The following KLF12 variants were observed in gnomAD, a reference collection of about 807,000 sequenced individuals.
KLF12 encodes Krueppel-like factor 12.
In KLF12, 9 loss-of-function variants were observed where a neutral mutation model predicts 37.8. That is an observed-to-expected ratio of 0.24 (90% CI 0.14 to 0.42). KLF12 has a LOEUF of 0.42. Ranked by LOEUF, KLF12 falls within the 10% of genes least tolerant of loss-of-function variation. KLF12 has a pLI of 1.00. For missense variants in KLF12, 411 were observed against 516.0 expected, an observed-to-expected ratio of 0.80 and a Z score of 1.97; for synonymous variants, 208 against 202.1, an observed-to-expected ratio of 1.03 and a Z score of -0.25.
At chr13:73,989,445 A>G (rs1353628425) in intron 2 of KLF12, among the ~76,000 whole-genome samples, 1 of 152,244 alleles carries the variant, frequency 6.6e-6, no homozygotes, top group African/African-American at 2.4e-5. Context: ...GTGTTGTTGA[A>G]AGAACAAACA....
intron 1 of KLF12, among the ~76,000 whole-genome samples, chr13:74,023,993 C>T (rs1167446069): frequency 6.6e-6 from 1 of 152,222 alleles, no homozygotes; most frequent in Non-Finnish European, 1.5e-5. Context: ...CACCAGTGCA[C>T]TGGAGCCCCA....
At chr13:73,706,228 T>C (rs1874938786) in intron 7 of KLF12, among the ~76,000 whole-genome samples, 2 of 152,162 alleles carry the variant, frequency 1.3e-5, no homozygotes, top group Admixed American at 1.3e-4. Flanking sequence ...ATTTATATGC[T>C]AACACAAACA....
chr13:73,775,200 G>A (rs202203669), intron 5 of KLF12, among the ~76,000 whole-genome samples: 14 of 152,176 alleles, frequency 9.2e-5, no homozygotes, highest in East Asian at 3.8e-4. Flanking sequence ...TTACAGGCAT[G>A]AGCCACTGTG....
chr13:73,778,911 T>A (rs1331069895), intron 5 of KLF12, among the ~76,000 whole-genome samples: 1 of 152,122 alleles, frequency 6.6e-6, no homozygotes, highest in Non-Finnish European at 1.5e-5. Context: ...AGACATAAGC[T>A]AGAATGACAG....
intron 1 of KLF12, among the ~76,000 whole-genome samples, chr13:74,125,325 T>C (rs1877883425): frequency 6.6e-6 from 1 of 152,156 alleles, no homozygotes; most frequent in African/African-American, 2.4e-5. Context: ...CCCCAGGTGC[T>C]TTAAACAACT....
intron 3 of KLF12, among the ~76,000 whole-genome samples, chr13:73,915,519 C>CTT (rs889139663): frequency 6.9e-6 from 1 of 144,834 alleles, no homozygotes; most frequent in Admixed American, 6.9e-5. Flanking sequence ...AGTTTTGTTT[C>CTT]TTTTTTTTTT....
intron 4 of KLF12, among the ~76,000 whole-genome samples, chr13:73,824,267 G>A (rs769160950): frequency 7.2e-5 from 11 of 152,112 alleles, no homozygotes; most frequent in African/African-American, 2.4e-4. Flanking sequence ...CCATTGAGAT[G>A]AGCCCCGTAG....
chr13:73,897,946 A>T (rs1356040087), intron 3 of KLF12, among the ~76,000 whole-genome samples: 2 of 152,158 alleles, frequency 1.3e-5, no homozygotes, highest in African/African-American at 2.4e-5. Context: ...TACTTGCCCT[A>T]TTAGTTTCAG....
At chr13:74,294,387 G>T in the KLF12 span, among the ~76,000 whole-genome samples, 2 of 151,990 alleles carry the variant, frequency 1.3e-5, no homozygotes, top group Non-Finnish European at 2.9e-5. Context: ...TTTTAAGGAG[G>T]TCATTTACTA....
At chr13:73,849,871 C>T (rs886123141) in intron 3 of KLF12, among the ~76,000 whole-genome samples, 1 of 152,026 alleles carries the variant, frequency 6.6e-6, no homozygotes, top group South Asian at 2.1e-4. Context: ...TGAATTTTTG[C>T]TGTTGATGTC....
At chr13:73,839,093 CTTT>C (rs371913126) in intron 4 of KLF12, among the ~76,000 whole-genome samples, 1 of 138,594 alleles carries the variant, frequency 7.2e-6, no homozygotes, top group African/African-American at 2.7e-5. Flanking sequence ...ATGACATTAA[CTTT>C]TTTTTTTTTT....
chr13:73,837,712 T>C (rs1317842156), intron 4 of KLF12, among the ~76,000 whole-genome samples: 1 of 152,146 alleles, frequency 6.6e-6, no homozygotes, highest in Admixed American at 6.5e-5. Context: ...CATTTCCCAA[T>C]AAACAACATT....
At chr13:73,772,110 C>T (rs892281240) in intron 5 of KLF12, among the ~76,000 whole-genome samples, 1 of 152,134 alleles carries the variant, frequency 6.6e-6, no homozygotes, top group African/African-American at 2.4e-5. Context: ...TGTGCAGCCA[C>T]ATCAGCCTTT....
At chr13:74,018,786 C>T (rs1370947568) in intron 1 of KLF12, among the ~76,000 whole-genome samples, 1 of 152,164 alleles carries the variant, frequency 6.6e-6, no homozygotes, top group Admixed American at 6.5e-5. Flanking sequence ...AAATGGGCCA[C>T]TGTTCAGATC....
At chr13:74,194,217 G>A in the KLF12 span, among the ~76,000 whole-genome samples, 2 of 152,076 alleles carry the variant, frequency 1.3e-5, no homozygotes, top group Non-Finnish European at 2.9e-5. Flanking sequence ...TGGTGAAAAG[G>A]GTGCAGCAGA....
the KLF12 span, among the ~76,000 whole-genome samples, chr13:74,157,095 A>C: frequency 6.6e-6 from 1 of 152,178 alleles, no homozygotes; most frequent in Admixed American, 6.5e-5. Context: ...AATGAATCAC[A>C]GGGGACTTTC....
chr13:74,296,369 A>G, the KLF12 span, among the ~76,000 whole-genome samples: 4 of 152,136 alleles, frequency 2.6e-5, no homozygotes, highest in East Asian at 3.9e-4. Context: ...ATGTGGTACT[A>G]TCTCATCCAA....
intron 5 of KLF12, among the ~76,000 whole-genome samples, chr13:73,770,274 T>C (rs1880185401): frequency 6.6e-6 from 1 of 152,168 alleles, no homozygotes; most frequent in Non-Finnish European, 1.5e-5. Context: ...TTACTCTAGA[T>C]GTTATTTTAA....
At chr13:74,244,233 C>T in the KLF12 span, among the ~76,000 whole-genome samples, 1 of 152,170 alleles carries the variant, frequency 6.6e-6, no homozygotes, top group Non-Finnish European at 1.5e-5. Flanking sequence ...ATCCATATGT[C>T]ACTTTGTTAC....
Sources: gnomAD v4.1 joint callset for allele counts (sites outside exome capture counted in the v4.1 genomes callset) on GRCh38, gnomAD v4.1.1 for gene constraint, MANE v1.5 for transcripts, NCBI Gene and HGNC (gene_info 2026-07-23, HGNC 2026-07-21) for gene names.